Variants in CEP126 observed in about 807,000 individuals in gnomAD.
The protein encoded by CEP126 is centrosomal protein 126, also known as centrosomal protein of 126 kDa.
Under a neutral mutation model 107.8 loss-of-function variants are expected in CEP126, and 74 were observed. The ratio of observed to expected loss-of-function variants is 0.69; its 90% CI spans 0.57 to 0.83. The LOEUF is 0.83. Ranked by LOEUF, CEP126 falls within the 40% of genes least tolerant of loss-of-function variation. The pLI is 0.00. For missense variants in CEP126, 1,237 were observed against 1,281.9 expected, an observed-to-expected ratio of 0.96 and a Z score of 0.53; for synonymous variants, 449 against 446.0, an observed-to-expected ratio of 1.01 and a Z score of -0.08.
intron 2 of CEP126, among the ~76,000 whole-genome samples, chr11:101,928,022 C>G (rs920483194): frequency 6.6e-6 from 1 of 152,202 alleles, no homozygotes; most frequent in Non-Finnish European, 1.5e-5. Flanking sequence ...CTCATCCTCA[C>G]TAGCATTTGG....
chr11:101,997,852 A>T lies in CEP126; in HGVS notation c.*209A>T. 1.7e-6 allele frequency: 1 copy of T among 601,026 alleles called. No homozygotes were observed. Among genetic ancestry groups the T allele is most frequent in the Admixed American group, 3.0e-5 (1 of 33,186 alleles). The allele number at this position is 601,026 out of a possible 1,614,324, so 37.2% of individuals were successfully genotyped here. ...TTAACAGAGTTCTGAGAATACCATG[A>T]AAGACATTATGCCTGCCTAAACAAA... On this transcript the variant is annotated 3_prime_UTR_variant, in exon 11 of 11. Coordinates refer to ENST00000263468, the MANE Select transcript of CEP126 (RefSeq NM_020802.4).
chr11:101,989,490 T>C (rs1277000808), intron 9 of CEP126, among the ~76,000 whole-genome samples: 1 of 152,026 alleles, frequency 6.6e-6, no homozygotes, highest in Non-Finnish European at 1.5e-5. Flanking sequence ...ACCACACACA[T>C]ATTATACGTA....
In CEP126 at chr11:101,997,752, G is replaced by A; in HGVS notation, c.*109G>A. 2 of 1,484,134 alleles carry A rather than the reference G, an allele frequency of 1.3e-6. No individual in the cohort carries two copies. Among genetic ancestry groups the A allele is most frequent in the Non-Finnish European group, 1.9e-6 (2 of 1,079,792 alleles). 91.9% of individuals were successfully genotyped at this position (1,484,134 alleles called of 1,614,324 possible). On this transcript the variant is annotated 3_prime_UTR_variant, in exon 11 of 11. Coordinates refer to ENST00000263468, the MANE Select transcript of CEP126 (RefSeq NM_020802.4). The stretch of plus-strand genomic sequence containing the variant: ...AAAACATGTGAGCAACAACCCCCAT[G>A]AACATTTGTCCTAACTCAGATTTTG...
chr11:101,972,890 C>G (rs1173741158), intron 6 of CEP126, among the ~76,000 whole-genome samples: 1 of 152,068 alleles, frequency 6.6e-6, no homozygotes, highest in African/African-American at 2.4e-5. Context: ...TCATTTTGTC[C>G]ACTTATGAAA....
chr11:101,955,174 G>A (rs1001198987), intron 4 of CEP126, among the ~76,000 whole-genome samples: 5 of 152,058 alleles, frequency 3.3e-5, no homozygotes, highest in East Asian at 3.9e-4. Flanking sequence ...GAACATAGAA[G>A]CTGCTTCAGC....
In CEP126 at chr11:101,992,781, T is replaced by C; in HGVS notation, c.3248T>C (p.Ile1083Thr). Residue 1083 changes from isoleucine to threonine, a missense_variant, in exon 10 of 11, where the codon ATA (isoleucine) becomes ACA (threonine). Physicochemically the swap from Ile to Thr is moderately conservative, Grantham distance 89. This residue lies in a region of CEP126 where 99 missense variants were observed against 114.4 expected (regional missense o/e 0.87). Transcript: ENST00000263468. Reference sequence around the variant, plus strand: ...TATTGTGATATAATTATTTCAGATATACAAGAATCCATTTGCAAAAACCCA... The same window carrying C: ...TATTGTGATATAATTATTTCAGATACACAAGAATCCATTTGCAAAAACCCA... ...LNDLSERLHY[I>T]QESICKNPSI... 1.4e-6 allele frequency: 2 copies of C among 1,457,936 alleles called. No individual in the cohort carries two copies. The highest frequency in any genetic ancestry group is 1.9e-6 in the Non-Finnish European group (2 of 1,070,252). 90.3% of individuals were successfully genotyped at this position (1,457,936 alleles called of 1,614,324 possible).
At chr11:101,951,480 C>T (rs1287111889) in intron 4 of CEP126, among the ~76,000 whole-genome samples, 4 of 151,932 alleles carry the variant, frequency 2.6e-5, no homozygotes, top group African/African-American at 9.7e-5. Flanking sequence ...CACTGCACTC[C>T]AGCCTAGGTA....
At chr11:101,966,422 G>C (rs1330013655) in intron 6 of CEP126, among the ~76,000 whole-genome samples, 1 of 151,986 alleles carries the variant, frequency 6.6e-6, no homozygotes, top group African/African-American at 2.4e-5. Flanking sequence ...CAGAGTTGAC[G>C]ATTGTGGAGA....
chr11:101,981,620 T>G (rs1941255380), intron 7 of CEP126, among the ~76,000 whole-genome samples: 1 of 152,152 alleles, frequency 6.6e-6, no homozygotes, highest in Admixed American at 6.5e-5. Flanking sequence ...ACCATCCAAC[T>G]CACTTTACCT....
chr11:101,977,298 T>G (rs1246590915), intron 6 of CEP126, among the ~76,000 whole-genome samples: 1 of 152,032 alleles, frequency 6.6e-6, no homozygotes, highest in African/African-American at 2.4e-5. Context: ...ATTATTTTGA[T>G]CTGTGATTTT....
At chr11:101,965,650 T>G (rs939028306) in intron 6 of CEP126, among the ~76,000 whole-genome samples, 3 of 152,218 alleles carry the variant, frequency 2.0e-5, no homozygotes, top group African/African-American at 7.2e-5. Context: ...GATTAAATAT[T>G]CTAAAATAAA....
In CEP126 at chr11:101,949,643, A is replaced by G. The variant is rs1565356684; in HGVS notation, c.506+1501A>G. Among the ~76,000 whole-genome samples, 6 of 152,136 alleles carry G rather than the reference A, an allele frequency of 3.9e-5. No individual in the cohort carries two copies. In the South Asian group the frequency reaches 1.0e-3, roughly 26 times the overall value. On this transcript the variant is annotated intron_variant, in intron 4 of 10. Transcript: ENST00000263468. Reference sequence around the variant, plus strand: ...TAGGGAAGGATAAATTTTCATGGGAAAAAAAATAGTTTACAGAGATCAAAT... The same window carrying G: ...TAGGGAAGGATAAATTTTCATGGGAGAAAAAATAGTTTACAGAGATCAAAT...
At position 101,950,097 on chromosome 11, in the gene CEP126, G is replaced by A. The variant is rs553314714; in HGVS notation, c.506+1955G>A. ...GTAGAGAAATGTGGTAATGAATCTG[G>A]AAGGGCAAAGAGAGAATATCCAACA... On this transcript the variant is annotated intron_variant, in intron 4 of 10. Transcript: ENST00000263468. Among the ~76,000 whole-genome samples, 265 of 152,240 alleles carry A rather than the reference G, an allele frequency of 1.7e-3. 1 individual carries two copies. Among genetic ancestry groups the A allele is most frequent in the African/African-American group, 6.2e-3 (257 of 41,552 alleles).
chr11:101,966,554 C>G (rs1369061412), intron 6 of CEP126, among the ~76,000 whole-genome samples: 2 of 152,190 alleles, frequency 1.3e-5, no homozygotes, highest in Non-Finnish European at 2.9e-5. Flanking sequence ...TATTTCCCCC[C>G]TAAAAGATGA....
intron 2 of CEP126, among the ~76,000 whole-genome samples, chr11:101,926,263 T>C (rs553864289): frequency 6.6e-6 from 1 of 152,170 alleles, no homozygotes; most frequent in East Asian, 1.9e-4. Flanking sequence ...GTCTCTCGTA[T>C]TAGTTAACCA....
At chr11:101,992,731 T>C in intron 9 of CEP126, 47 bp from the exon 10 acceptor site, 1 of 1,026,490 alleles carries the variant, frequency 9.7e-7, no homozygotes, top group South Asian at 1.7e-5. Flanking sequence ...CTTCTATTTC[T>C]ATATATGTAA....
chr11:101,917,431 C>T (rs1163573310), intron 1 of CEP126, among the ~76,000 whole-genome samples: 1 of 152,108 alleles, frequency 6.6e-6, no homozygotes, highest in African/African-American at 2.4e-5. Context: ...ACATGATACT[C>T]AGAGGCCATC....
chr11:101,922,541 T>C, intron 1 of CEP126, 100 bp from the exon 2 acceptor site: 1 of 893,924 alleles, frequency 1.1e-6, no homozygotes, highest in Non-Finnish European at 1.7e-6. Flanking sequence ...AAACTATCAT[T>C]ACATCATTTG....
chr11:101,983,066 C>T (rs560380709), intron 8 of CEP126, among the ~76,000 whole-genome samples: 1 of 152,310 alleles, frequency 6.6e-6, no homozygotes, highest in Non-Finnish European at 1.5e-5. Context: ...CACGAGACCC[C>T]ACATGGGGCC....
Sources: allele counts gnomAD v4.1 joint callset (sites outside exome capture counted in the v4.1 genomes callset), GRCh38; gene constraint gnomAD v4.1.1; regional missense constraint gnomAD v4.1.1; transcripts MANE v1.5; gene names NCBI Gene and HGNC (gene_info 2026-07-23, HGNC 2026-07-21).